The following LEP variants were observed in gnomAD, a reference collection of about 807,000 sequenced individuals.
LEP encodes leptin (murine obesity homolog).
A neutral mutation model predicts 9.8 loss-of-function variants in LEP; 6 were observed. That is an observed-to-expected ratio of 0.61 (90% CI 0.34 to 1.21). The LOEUF (loss-of-function observed/expected upper bound fraction) is 1.21, where lower values mean the gene tolerates loss of function less well. Among genes scored for constraint, LEP ranks in the 50% most tolerant of loss-of-function variants. LEP has a pLI of 0.04. For missense variants in LEP, 134 were observed against 198.1 expected (o/e 0.68, Z 1.94); for synonymous variants, 112 against 81.7 (o/e 1.37, Z -2.00).
intron 1 of LEP, among the ~76,000 whole-genome samples, chr7:128,250,266 G>A (rs1352306422): frequency 6.6e-6 from 1 of 152,194 alleles, no homozygotes; most frequent in Non-Finnish European, 1.5e-5. Context: ...GTAGCTAATA[G>A]AGGAAGTTTT....
At chr7:128,248,974 G>A (rs10277407) in intron 1 of LEP, among the ~76,000 whole-genome samples, 14,905 of 152,216 alleles carry the variant, frequency 0.098, 2,018 homozygotes, top group African/African-American at 0.31. Flanking sequence ...AAGTAATTGT[G>A]GTTTTTAAGA....
Position 128,254,688 on chromosome 7 carries a change from G to C in LEP, c.429G>C (p.Glu143Asp). 1 of 1,614,010 alleles carries C rather than the reference G, an allele frequency of 6.2e-7. No homozygotes were observed. The highest frequency in any genetic ancestry group is 8.5e-7 in the Non-Finnish European group (1 of 1,180,016). The part of the protein sequence containing the change: ...GVLEASGYST[E>D]VVALSRLQGS... ...TGGAAGCTTCAGGCTACTCCACAGAGGTGGTGGCCCTGAGCAGGCTGCAGG... is the reference window on the plus strand; with the variant it reads ...TGGAAGCTTCAGGCTACTCCACAGACGTGGTGGCCCTGAGCAGGCTGCAGG... Residue 143 changes from glutamate (E) to aspartate (D), a missense_variant, in exon 3 of 3, where the codon GAG (glutamate) becomes GAC (aspartate). Transcript: ENST00000308868.
At position 128,254,885 on chromosome 7, in the gene LEP, C is replaced by A; in HGVS notation, c.*122C>A. 1 of 1,109,330 alleles carries A rather than the reference C, an allele frequency of 9.0e-7. No homozygotes were observed. The highest frequency in any genetic ancestry group is 2.5e-5 in the East Asian group (1 of 39,864). 68.7% of individuals were successfully genotyped at this position (1,109,330 alleles called of 1,614,324 possible). A position where few individuals can be genotyped will look rare whatever the true frequency, so the allele number is the denominator to read the frequency against. Reference sequence around the variant, plus strand: ...CTTATCCAGGACTCTGTCAATTTCCCTGACTCCTCTAAGCCACTCTTCCAA... The same window carrying A: ...CTTATCCAGGACTCTGTCAATTTCCATGACTCCTCTAAGCCACTCTTCCAA... On this transcript the variant is annotated 3_prime_UTR_variant, in exon 3 of 3. Coordinates refer to ENST00000308868, the MANE Select transcript of LEP (RefSeq NM_000230.3).
chr7:128,245,533 G>A (rs1271644426), intron 1 of LEP, among the ~76,000 whole-genome samples: 1 of 150,784 alleles, frequency 6.6e-6, no homozygotes, highest in African/African-American at 2.4e-5. Context: ...TATGAAGAAA[G>A]GAAGGAAGGA....
At position 128,255,055 on chromosome 7, in the gene LEP, T is replaced by A. The variant is rs1182008134; in HGVS notation, c.*292T>A. On this transcript the variant is annotated 3_prime_UTR_variant, in exon 3 of 3. Transcript: ENST00000308868. ...GGTCTTCAGCCATCAACAAGAGTTG[T>A]CTTGTCCCCTCTTGACCCATCTCCC... 1 of 431,710 alleles carries A rather than the reference T, an allele frequency of 2.3e-6. No homozygotes were observed. The highest frequency in any genetic ancestry group is 4.3e-6 in the Non-Finnish European group (1 of 230,224). 26.7% of individuals were successfully genotyped at this position (431,710 alleles called of 1,614,324 possible). A position where few individuals can be genotyped will look rare whatever the true frequency, so the allele number is the denominator to read the frequency against.
Position 128,254,918 on chromosome 7 carries a change from A to G in LEP, c.*155A>G. The G allele has an allele frequency of 1.2e-6, 1 of 808,732 alleles. No homozygotes were observed. The highest frequency in any genetic ancestry group is 2.0e-6 in the Non-Finnish European group (1 of 489,922). The allele number at this position is 808,732 out of a possible 1,614,324, so 50.1% of individuals were successfully genotyped here. The stretch of plus-strand genomic sequence containing the variant: ...TCTAAGCCACTCTTCCAAAGGCATA[A>G]GACCCTAAGCCTCCTTTTGCTTGAA... On this transcript the variant is annotated 3_prime_UTR_variant, in exon 3 of 3. Coordinates refer to ENST00000308868, the MANE Select transcript of LEP (RefSeq NM_000230.3).
chr7:128,253,237 T>C (rs145663745), intron 2 of LEP, among the ~76,000 whole-genome samples: 20 of 152,272 alleles, frequency 1.3e-4, no homozygotes, highest in Middle Eastern at 3.4e-3. Context: ...CCAGCTGATC[T>C]CTGGCCCTGC....
intron 1 of LEP, among the ~76,000 whole-genome samples, chr7:128,243,883 C>G (rs912716689): frequency 1.3e-5 from 2 of 152,128 alleles, no homozygotes; most frequent in African/African-American, 4.8e-5. Flanking sequence ...ATTAATTGAT[C>G]AGGGCAACCT....
chr7:128,247,015 T>A (rs12706831), intron 1 of LEP, among the ~76,000 whole-genome samples: 1 of 151,894 alleles, frequency 6.6e-6, no homozygotes. Context: ...TAGAGACCCC[T>A]CTCCTCTCCA....
chr7:128,253,573 C>G (rs948450454), intron 2 of LEP, among the ~76,000 whole-genome samples: 2 of 152,148 alleles, frequency 1.3e-5, no homozygotes, highest in Non-Finnish European at 2.9e-5. Context: ...CCTCCTTACC[C>G]CCTGCATGGA....
At chr7:128,242,912 G>A (rs1037754345) in intron 1 of LEP, among the ~76,000 whole-genome samples, 2 of 152,198 alleles carry the variant, frequency 1.3e-5, no homozygotes, top group African/African-American at 2.4e-5. Context: ...GAGAAGAGGG[G>A]CTCCAGGAAG....
chr7:128,249,778 G>C (rs1046649341), intron 1 of LEP, among the ~76,000 whole-genome samples: 1 of 152,114 alleles, frequency 6.6e-6, no homozygotes, highest in African/African-American at 2.4e-5. Flanking sequence ...AGATTCTTGC[G>C]AGCACTTTGG....
chr7:128,243,199 G>T (rs1390373453), intron 1 of LEP, among the ~76,000 whole-genome samples: 1 of 152,214 alleles, frequency 6.6e-6, no homozygotes, highest in African/African-American at 2.4e-5. Context: ...GACAGCCAAT[G>T]TGCCTCGTTG....
At chr7:128,251,533 A>C (rs1279488466) in intron 1 of LEP, among the ~76,000 whole-genome samples, 1 of 152,236 alleles carries the variant, frequency 6.6e-6, no homozygotes, top group Admixed American at 6.5e-5. Flanking sequence ...TTTCACGTGC[A>C]TCAGATAATT....
intron 1 of LEP, among the ~76,000 whole-genome samples, chr7:128,244,729 G>T (rs543500887): frequency 1.3e-5 from 2 of 152,324 alleles, no homozygotes; most frequent in East Asian, 3.9e-4. Flanking sequence ...CTAGGAAGGA[G>T]CACAGGCGGT....
chr7:128,244,142 G>A (rs1448746713), intron 1 of LEP, among the ~76,000 whole-genome samples: 1 of 151,824 alleles, frequency 6.6e-6, no homozygotes, highest in Non-Finnish European at 1.5e-5. Context: ...CCAGCTACTT[G>A]GGAGGCTGAG....
chr7:128,243,641 C>T (rs569795585), intron 1 of LEP, among the ~76,000 whole-genome samples: 54 of 152,306 alleles, frequency 3.5e-4, no homozygotes, highest in African/African-American at 9.6e-4. Context: ...GAAGCATTTT[C>T]TGTCTTTATT....
At chr7:128,246,068 C>CA (rs571287629) in intron 1 of LEP, among the ~76,000 whole-genome samples, 37 of 142,696 alleles carry the variant, frequency 2.6e-4, no homozygotes, top group Admixed American at 5.6e-4. Flanking sequence ...AAGACTCCGT[C>CA]AAAAAAAAAA....
Position 128,256,357 on chromosome 7 carries a change from A to G in LEP, c.*1594A>G, listed in dbSNP as rs1795339850. 1 of 152,658 alleles carries G rather than the reference A, an allele frequency of 6.6e-6. No individual in the cohort carries two copies. Among genetic ancestry groups the G allele is most frequent in the African/African-American group, 2.4e-5 (1 of 41,464 alleles). 9.5% of individuals were successfully genotyped at this position (152,658 alleles called of 1,614,324 possible). A position where few individuals can be genotyped will look rare whatever the true frequency, so the allele number is the denominator to read the frequency against. On this transcript the variant is annotated 3_prime_UTR_variant, in exon 3 of 3. Coordinates refer to ENST00000308868, the MANE Select transcript of LEP (RefSeq NM_000230.3). ...GTGGGTGGTGGATCTGTCCAAGGAA[A>G]CTTGAATCAAAGCAGTTAACTTTAA...
Sources: gnomAD v4.1 joint callset for allele counts (sites outside exome capture counted in the v4.1 genomes callset) on GRCh38, gnomAD v4.1.1 for gene constraint, MANE v1.5 for transcripts, NCBI Gene and HGNC (gene_info 2026-07-23, HGNC 2026-07-21) for gene names.